RENBP: variants seen among roughly 807,000 people sequenced by gnomAD.
The protein encoded by RENBP is N-acylglucosamine 2-epimerase.
In RENBP, 16 loss-of-function variants were observed where a neutral mutation model predicts 37.8. The observed-to-expected ratio is 0.42, with a 90% CI of 0.29 to 0.64. The LOEUF is 0.64. Ranked by LOEUF, RENBP falls within the 30% of genes least tolerant of loss-of-function variation. RENBP has a pLI of 0.19. For synonymous variants in RENBP, 170 were observed against 154.8 expected, an observed-to-expected ratio of 1.10 and a Z score of -0.73; for missense variants, 347 against 379.5, an observed-to-expected ratio of 0.91 and a Z score of 0.71.
intron 6 of RENBP, 69 bp downstream of exon 6, chrX:153,942,786 C>G (rs965215564): frequency 1.4e-5 from 13 of 908,799 alleles, no homozygotes; most frequent in Non-Finnish European, 2.1e-5. Flanking sequence ...TGTGTCGAGC[C>G]CCAGGGTGCC....
intron 9 of RENBP, among the ~76,000 whole-genome samples, chrX:153,937,358 C>G (rs1557108770): frequency 9.0e-6 from 1 of 111,603 alleles, no homozygotes; most frequent in Non-Finnish European, 1.9e-5. Flanking sequence ...CCTTCAATGT[C>G]TGGATTTTTG....
chrX:153,944,265 A>C lies in RENBP; in HGVS notation c.137+44T>G, dbSNP rs374455947. 15 of 1,173,850 alleles carry C rather than the reference A, an allele frequency of 1.3e-5. No homozygotes were observed. The African/African-American group carries it at 2.7e-4, about 21-fold the overall frequency. ...CCTGAGAGTGAGAAGGGGCCTCAGG[A>C]AGGGCAAAAACCCTGCTGAGGACTC... On this transcript the variant is annotated intron_variant, in intron 2 of 10. Coordinates refer to ENST00000393700, the MANE Select transcript of RENBP (RefSeq NM_002910.6).
In RENBP at chrX:153,942,232, T is replaced by TG. The variant is rs1434985602; in HGVS notation, c.688-202_688-201insC. The TG allele has an allele frequency of 3.5e-4, 65 of 188,006 alleles. No homozygotes were observed. In the South Asian group the frequency reaches 7.2e-3, roughly 21 times the overall value. 15.5% of individuals were successfully genotyped at this position (188,006 alleles called of 1,213,427 possible). A position where few individuals can be genotyped will look rare whatever the true frequency, so the allele number is the denominator to read the frequency against. ...TCCCTTGGGCCTAGCAAGTTGTTGT[T>TG]TTTTTTTTTTTTTTTTTTTTTTAGA... On this transcript the variant is annotated intron_variant, in intron 6 of 10. Transcript: ENST00000393700.
intron 8 of RENBP, 62 bp from the exon 9 acceptor site, chrX:153,940,295 T>C (rs1557109323): frequency 1.7e-6 from 2 of 1,173,875 alleles, no homozygotes; most frequent in Non-Finnish European, 2.3e-6. Context: ...TTTCCAGACC[T>C]GGCTGCGTCT....
intron 8 of RENBP, 106 bp downstream of exon 8, chrX:153,941,372 T>C: frequency 1.2e-6 from 1 of 833,434 alleles, no homozygotes; most frequent in Admixed American, 2.8e-5. Context: ...AGCAGGCCTC[T>C]AGGTTCCAAT....
At position 153,942,959 on chromosome X, in the gene RENBP, G is replaced by C. The variant is rs1465911452; in HGVS notation, c.583C>G (p.Leu195Val). 1 of 1,209,688 alleles carries C rather than the reference G, an allele frequency of 8.3e-7. No homozygotes were observed. The highest frequency in any genetic ancestry group is 2.2e-5 in the Admixed American group (1 of 45,987). ...CCGAGCTGCTCCACCAGGTTCAGTAGCATCATGGGCACCGCCATGGGCTCC... is the reference window on the plus strand; with the variant it reads ...CCGAGCTGCTCCACCAGGTTCAGTACCATCATGGGCACCGCCATGGGCTCC... Reference protein sequence around the residue: ...AAEPMAVPMMLLNLVEQLGEA... With the variant: ...AAEPMAVPMMVLNLVEQLGEA... The change falls in exon 6 of 11, where the codon CTA (leucine) becomes GTA (valine). Residue 195 changes from leucine to valine, a missense_variant. By Grantham distance (32) the Leu-to-Val change is conservative. Transcript: ENST00000393700.
At chrX:153,944,512 C>T in intron 1 of RENBP, 72 bp downstream of exon 1, 2 of 1,163,975 alleles carry the variant, frequency 1.7e-6, no homozygotes, top group Non-Finnish European at 2.3e-6. Context: ...CCCACCTCTG[C>T]ACGGGGCTTC....
At chrX:153,942,526 C>G (rs1603292275) in intron 6 of RENBP, 2 of 288,613 alleles carry the variant, frequency 6.9e-6, no homozygotes, top group South Asian at 1.4e-4. Context: ...CACGAGCCAC[C>G]GCGTCCAGCC....
At position 153,941,643 on chromosome X, in the gene RENBP, C is replaced by T. The variant is rs1557109554; in HGVS notation, c.780G>A (p.Leu260=). The T allele has an allele frequency of 5.1e-6, 6 of 1,173,390 alleles. No individual in the cohort carries two copies. The highest frequency in any genetic ancestry group is 6.8e-6 in the Non-Finnish European group (6 of 879,933). The part of the protein sequence containing the change: ...LGRQQNPGHT[L]EAGWFLLRHC... The stretch of plus-strand genomic sequence containing the variant: ...GACGGAGCAGAAACCAGCCGGCTTC[C>T]AGCGTGTGGCCTGGTGAGGGGTGGA... The change falls in exon 8 of 11, where the codon CTG becomes CTA. Residue 260 remains leucine (L), a synonymous_variant. Transcript: ENST00000393700.
chrX:153,939,776 C>G (rs1389502452), intron 9 of RENBP, among the ~76,000 whole-genome samples: 1 of 109,282 alleles, frequency 9.2e-6, no homozygotes, highest in Non-Finnish European at 1.9e-5. Context: ...CTGATTGACT[C>G]GGCCCCTGCT....
chrX:153,944,143 C>G lies in RENBP; in HGVS notation c.150G>C (p.Thr50=). ...SHDQEHGGFF[T]CLGREGRVYD... ...ACACCCGCCCCTCGCGGCCAAGGCA[C>G]GTGAAGAAGCCCCTGTGGGAAGGCA... The change falls in exon 3 of 11, where the codon ACG becomes ACC. Residue 50 remains threonine, a synonymous_variant. Coordinates refer to ENST00000393700, the MANE Select transcript of RENBP (RefSeq NM_002910.6). 1 of 1,210,627 alleles carries G rather than the reference C, an allele frequency of 8.3e-7. No homozygotes were observed. The highest frequency in any genetic ancestry group is 1.1e-6 in the Non-Finnish European group (1 of 894,937).
rs2065227820 is a variant in RENBP, at chrX:153,941,818, C to T, written c.769+132G>A. The T allele has an allele frequency of 5.3e-6, 4 of 755,203 alleles. No individual in the cohort carries two copies. In the African/African-American group the frequency reaches 8.3e-5, roughly 16 times the overall value. 62.2% of individuals were successfully genotyped at this position (755,203 alleles called of 1,213,427 possible). Reference sequence around the variant, plus strand: ...CTGCTCCTCTGCAGAAACCCCCAGCCTTGGGAAGCCCATCCTCGCTCCTCT... The same window carrying T: ...CTGCTCCTCTGCAGAAACCCCCAGCTTTGGGAAGCCCATCCTCGCTCCTCT... On this transcript the variant is annotated intron_variant, in intron 7 of 10. Coordinates refer to ENST00000393700, the MANE Select transcript of RENBP (RefSeq NM_002910.6).
Position 153,944,378 on chromosome X carries a change from T to C in RENBP, c.68A>G (p.Glu23Gly), listed in dbSNP as rs1311552939. Residue 23 changes from glutamate to glycine, a missense_variant, in exon 2 of 11, where the codon GAG (glutamate) becomes GGG (glycine). Physicochemically the swap from Glu to Gly is moderately conservative, Grantham distance 98 (BLOSUM62 -2). This residue lies in a region of RENBP where 244 missense variants were observed against 279.4 expected (regional missense o/e 0.87). Transcript: ENST00000393700. ...GCGGTCCAGCTCCTGCCCCACGCGC[T>C]CCTTCCAGGCCTGCAGAGTCTCTCG... Reference protein sequence around the residue: ...KERETLQAWKERVGQELDRVV... With the variant: ...KERETLQAWKGRVGQELDRVV... 1.7e-6 allele frequency: 2 copies of C among 1,209,687 alleles called. No individual in the cohort carries two copies. The highest frequency in any genetic ancestry group is 3.5e-5 in the African/African-American group (2 of 57,176).
At chrX:153,937,739 C>T (rs1015921389) in intron 9 of RENBP, among the ~76,000 whole-genome samples, 4 of 110,836 alleles carry the variant, frequency 3.6e-5, no homozygotes, top group African/African-American at 1.3e-4. Context: ...ATTACAGGCA[C>T]CCGCCACCAC....
rs781796317 is a variant in RENBP, at chrX:153,942,852, C to T, written c.687+3G>A. 24 of 1,201,846 alleles carry T rather than the reference C, an allele frequency of 2.0e-5. No homozygotes were observed. Among genetic ancestry groups the T allele is most frequent in the Non-Finnish European group, 2.0e-5 (18 of 888,349 alleles). On this transcript the variant is annotated splice_donor_region_variant and intron_variant, in intron 6 of 10. Transcript: ENST00000393700. ...CCACCCCAGCTCCCCAGGCATCCCCCACCTGCACGTGCTGCAGAATCCTCC... is the reference window on the plus strand; with the variant it reads ...CCACCCCAGCTCCCCAGGCATCCCCTACCTGCACGTGCTGCAGAATCCTCC...
intron 9 of RENBP, 103 bp from the exon 10 acceptor site, chrX:153,935,679 G>A (rs1569546353): frequency 3.2e-6 from 2 of 634,320 alleles, no homozygotes; most frequent in Non-Finnish European, 5.2e-6. Flanking sequence ...AGGTGACGTG[G>A]CTCCAGAACC....
At chrX:153,944,531 C>G (rs925637994) in intron 1 of RENBP, 53 bp downstream of exon 1, 1 of 1,169,261 alleles carries the variant, frequency 8.6e-7, no homozygotes, top group Non-Finnish European at 1.2e-6. Context: ...TCAGACGTCA[C>G]CATCCCCGGG....
intron 8 of RENBP, among the ~76,000 whole-genome samples, chrX:153,941,163 A>T (rs1260941034): frequency 1.8e-5 from 2 of 109,355 alleles, no homozygotes; most frequent in African/African-American, 6.6e-5. Flanking sequence ...AAAAAAAAAA[A>T]AAAGGCAACC....
At position 153,942,912 on chromosome X, in the gene RENBP, C is replaced by T. The variant is rs373190193; in HGVS notation, c.630G>A (p.Ala210=). 40 of 1,211,505 alleles carry T rather than the reference C, an allele frequency of 3.3e-5. No individual in the cohort carries two copies. Among genetic ancestry groups the T allele is most frequent in the South Asian group, 1.1e-4 (6 of 57,043 alleles). Residue 210 remains alanine (A), a synonymous_variant, in exon 6 of 11, where the codon GCG becomes GCA. Coordinates refer to ENST00000393700, the MANE Select transcript of RENBP (RefSeq NM_002910.6). ...EQLGEADEEL[A]GKYAELGDWC... is the part of the protein sequence containing the mutation. ...AGTCCCCCAGCTCTGCGTATTTGCC[C>T]GCCAGCTCCTCATCTGCCTCCCCGA...
Sources: allele counts gnomAD v4.1 joint callset (sites outside exome capture counted in the v4.1 genomes callset), GRCh38; gene constraint gnomAD v4.1.1; regional missense constraint gnomAD v4.1.1; transcripts MANE v1.5; gene names NCBI Gene and HGNC (gene_info 2026-07-23, HGNC 2026-07-21).